The following EFHD1 variants were observed in gnomAD, a reference collection of about 807,000 sequenced individuals.
The protein encoded by EFHD1 is EF-hand domain-containing protein D1.
Under a neutral mutation model 17.2 loss-of-function variants are expected in EFHD1, and 10 were observed. The ratio of observed to expected loss-of-function variants is 0.58; its 90% CI spans 0.36 to 0.99. The LOEUF (loss-of-function observed/expected upper bound fraction) is 0.99, where lower values mean the gene tolerates loss of function less well. EFHD1 is among the 50% of genes least tolerant of loss of function. EFHD1 has a pLI of 0.01. For missense variants in EFHD1, 310 were observed against 327.5 expected, an observed-to-expected ratio of 0.95 and a Z score of 0.41; for synonymous variants, 153 against 142.0, an observed-to-expected ratio of 1.08 and a Z score of -0.55.
intron 1 of EFHD1, among the ~76,000 whole-genome samples, chr2:232,617,008 T>C (rs1348750978): frequency 6.6e-6 from 1 of 152,174 alleles, no homozygotes; most frequent in African/African-American, 2.4e-5. Context: ...CTGGAAGGGC[T>C]AGAGACAGAT....
chr2:232,633,958 C>G lies in EFHD1; in HGVS notation c.254C>G (p.Pro85Arg). The G allele has an allele frequency of 6.3e-7, 1 of 1,597,742 alleles. No homozygotes were observed. Among genetic ancestry groups the G allele is most frequent in the Non-Finnish European group, 8.5e-7 (1 of 1,179,270 alleles). ...CRVFNPYTEF[P>R]EFSRRLIKDL... ...GTCTTCAACCCCTACACGGAGTTCC[C>G]GGAGTTCAGCCGCCGCCTCATCAAG... The change falls in exon 1 of 4, where the codon CCG (proline) becomes CGG (arginine). Residue 85 changes from proline (P) to arginine (R), a missense_variant. By Grantham distance (103) the Pro-to-Arg change is moderately radical. Transcript: ENST00000264059.
At chr2:232,606,266 G>A in intron 1 of EFHD1, 1 of 1,443,344 alleles carries the variant, frequency 6.9e-7, no homozygotes, top group Non-Finnish European at 9.5e-7. Context: ...ATAGGTGCGC[G>A]GTAATTCCTG....
At chr2:232,638,195 AGACAGG>A in intron 1 of EFHD1, 3 of 371,110 alleles carry the variant, frequency 8.1e-6, no homozygotes, top group South Asian at 2.2e-5. Flanking sequence ...AGTCAAGGTT[AGACAGG>A]AAATTTTAAT....
At chr2:232,661,341 A>G (rs959661570) in intron 1 of EFHD1, among the ~76,000 whole-genome samples, 4 of 151,872 alleles carry the variant, frequency 2.6e-5, no homozygotes, top group Non-Finnish European at 5.9e-5. Context: ...CTGGCAACCA[A>G]TCATCCACTT....
At chr2:232,625,198 A>C (rs1694086145) in intron 1 of EFHD1, among the ~76,000 whole-genome samples, 1 of 152,098 alleles carries the variant, frequency 6.6e-6, no homozygotes, top group Non-Finnish European at 1.5e-5. Context: ...GCGCAATCAC[A>C]GCTCACTGCG....
intron 1 of EFHD1, among the ~76,000 whole-genome samples, chr2:232,657,872 T>C (rs953898920): frequency 4.0e-5 from 6 of 150,854 alleles, no homozygotes; most frequent in Admixed American, 2.0e-4. Context: ...AATTCTTTGT[T>C]TAGGACCTTG....
At chr2:232,656,101 C>T (rs578232148) in intron 1 of EFHD1, among the ~76,000 whole-genome samples, 6 of 152,076 alleles carry the variant, frequency 3.9e-5, no homozygotes, top group South Asian at 4.2e-4. Flanking sequence ...CCACCGTGCC[C>T]GGCCTGTGTG....
intron 1 of EFHD1, among the ~76,000 whole-genome samples, chr2:232,646,418 T>C (rs372329823): frequency 3.3e-5 from 5 of 150,906 alleles, no homozygotes; most frequent in South Asian, 2.1e-4. Context: ...GATTCTCTCT[T>C]TTCTCTTCTC....
rs1173474803 is a variant in EFHD1 at position 232,662,919 on chromosome 2, G to A, written c.420G>A (p.Glu140=). ...GLKSMIKEVD[E]DFDGKLSFRE... Reference sequence around the variant, plus strand: ...AGAGCATGATCAAGGAGGTGGATGAGGACTTCGATGGCAAGCTCAGCTTCC... The same window carrying A: ...AGAGCATGATCAAGGAGGTGGATGAAGACTTCGATGGCAAGCTCAGCTTCC... Residue 140 remains glutamate, a synonymous_variant, in exon 2 of 4, where the codon GAG becomes GAA. Coordinates refer to ENST00000264059, the MANE Select transcript of EFHD1 (RefSeq NM_025202.4). 5.0e-6 allele frequency: 8 copies of A among 1,591,382 alleles called. No individual in the cohort carries two copies. The highest frequency in any genetic ancestry group is 3.4e-5 in the South Asian group (3 of 87,102).
intron 1 of EFHD1, among the ~76,000 whole-genome samples, chr2:232,641,077 C>G (rs1231558741): frequency 6.6e-6 from 1 of 152,194 alleles, no homozygotes; most frequent in Non-Finnish European, 1.5e-5. Flanking sequence ...GGGTCTCTCT[C>G]TGTCACCCAG....
chr2:232,627,058 A>AT (rs1694117499), intron 1 of EFHD1, among the ~76,000 whole-genome samples: 1 of 121,846 alleles, frequency 8.2e-6, no homozygotes, highest in Non-Finnish European at 1.6e-5. Flanking sequence ...ATATATATAT[A>AT]TATATATTTT....
chr2:232,620,473 A>C (rs1282442256), intron 1 of EFHD1, among the ~76,000 whole-genome samples: 1 of 149,134 alleles, frequency 6.7e-6, no homozygotes, highest in African/African-American at 2.5e-5. Flanking sequence ...ACAGTCTTGA[A>C]CTCCTGTGCT....
At chr2:232,656,010 G>A (rs1480336247) in intron 1 of EFHD1, among the ~76,000 whole-genome samples, 1 of 152,008 alleles carries the variant, frequency 6.6e-6, no homozygotes, top group South Asian at 2.1e-4. Context: ...GTTTCACTGT[G>A]TTAGCCAGGA....
intron 2 of EFHD1, 148 bp from the exon 3 acceptor site, chr2:232,672,161 T>A (rs1257653298): frequency 1.9e-6 from 2 of 1,067,552 alleles, no homozygotes; most frequent in South Asian, 2.8e-5. Flanking sequence ...TTTTTGACAA[T>A]CTGATGAGGG....
chr2:232,632,590 TCTTTC>T (rs1694223606), upstream of EFHD1, among the ~76,000 whole-genome samples: 1 of 152,182 alleles, frequency 6.6e-6, no homozygotes, highest in African/African-American at 2.4e-5. Flanking sequence ...TTCTTTTCCT[TCTTTC>T]CTTTCTTTTT....
At chr2:232,661,464 C>T (rs1242871299) in intron 1 of EFHD1, among the ~76,000 whole-genome samples, 1 of 152,054 alleles carries the variant, frequency 6.6e-6, no homozygotes, top group Non-Finnish European at 1.5e-5. Flanking sequence ...AAGGTTCACC[C>T]GTGTATAAGC....
rs1305151050 is a variant in EFHD1, at chr2:232,653,155, G to A, written c.303-9647G>A. Among the ~76,000 whole-genome samples, 8 of 152,022 alleles carry A rather than the reference G, an allele frequency of 5.3e-5. No homozygotes were observed. In the East Asian group the frequency reaches 1.2e-3, roughly 22 times the overall value. On this transcript the variant is annotated intron_variant, in intron 1 of 3. Transcript: ENST00000264059. ...ATTATAGCCACCCACCACCACGCCC[G>A]GCTAATTTTTGTATTTTTATTAGAG... is the stretch of plus-strand genomic sequence containing the variant.
At chr2:232,648,617 A>G (rs1694577547) in intron 1 of EFHD1, among the ~76,000 whole-genome samples, 1 of 152,072 alleles carries the variant, frequency 6.6e-6, no homozygotes, top group Admixed American at 6.5e-5. Context: ...GCCCCTGGGA[A>G]GACCACCTGC....
intron 1 of EFHD1, among the ~76,000 whole-genome samples, chr2:232,615,691 T>TCC (rs1693915511): frequency 6.8e-6 from 1 of 147,816 alleles, no homozygotes; most frequent in East Asian, 1.9e-4. Context: ...TTCCTTTTTT[T>TCC]TTTTTTTTTT....
Sources: allele counts gnomAD v4.1 joint callset (sites outside exome capture counted in the v4.1 genomes callset), GRCh38; gene constraint gnomAD v4.1.1; transcripts MANE v1.5; gene names NCBI Gene and HGNC (gene_info 2026-07-23, HGNC 2026-07-21).